Variants in RERE observed in about 807,000 individuals in gnomAD.
RERE encodes arginine-glutamic acid dipeptide repeats protein.
In RERE, 40 loss-of-function variants were observed where a neutral mutation model predicts 146.1. The ratio of observed to expected loss-of-function variants is 0.27; its 90% CI spans 0.21 to 0.36. RERE has a LOEUF of 0.36. RERE is among the 10% of genes least tolerant of loss of function. The pLI is 1.00. For synonymous variants in RERE, 1,003 were observed against 866.0 expected, an observed-to-expected ratio of 1.16 and a Z score of -2.78; for missense variants, 1,933 against 2,138.7, an observed-to-expected ratio of 0.90 and a Z score of 1.90.
chr1:8,607,534 C>CTTTT lies in RERE; in HGVS notation c.522+7023_522+7026dup, dbSNP rs1167501074. ...CGCATATTTGTTTTTATATATATTT[C>CTTTT]TTTTTTTTTTTTTTTTTTTTTTTTT... On this transcript the variant is annotated intron_variant, in intron 4 of 22. Transcript: ENST00000400908. Among the ~76,000 whole-genome samples, 105 of 48,580 alleles carry CTTTT rather than the reference C, an allele frequency of 2.2e-3. 20 individuals are homozygous for CTTTT. Among genetic ancestry groups the CTTTT allele is most frequent in the African/African-American group, 3.7e-3 (43 of 11,658 alleles). The allele number at this position is 48,580 out of a possible 152,430, so 31.9% of individuals were successfully genotyped here.
rs1049657684 is a variant in RERE at position 8,361,029 on chromosome 1, C to T, written c.2478G>A (p.Leu826=). Residue 826 remains leucine (L), a synonymous_variant, in exon 18 of 23, where the codon CTG becomes CTA. Coordinates refer to ENST00000400908, the MANE Select transcript of RERE (RefSeq NM_001042681.2). ...PPPHPSPHPP[L]QPLTGSAGQP... The stretch of plus-strand genomic sequence containing the variant: ...GGCCCGCCGACCCAGTCAGAGGCTG[C>T]AGCGGGGGATGTGGCGAGGGATGCG... The T allele has an allele frequency of 2.1e-6, 3 of 1,434,448 alleles. No homozygotes were observed. The African/African-American group carries it at 4.3e-5, about 21-fold the overall frequency. 88.9% of individuals were successfully genotyped at this position (1,434,448 alleles called of 1,614,324 possible). A position where few individuals can be genotyped will look rare whatever the true frequency, so the allele number is the denominator to read the frequency against.
intron 1 of RERE, among the ~76,000 whole-genome samples, chr1:8,681,176 C>T (rs1034076434): frequency 6.6e-6 from 1 of 152,118 alleles, no homozygotes; most frequent in Non-Finnish European, 1.5e-5. Context: ...AGGAGAGAAA[C>T]GGCCAACAAT....
chr1:8,551,187 C>A lies in RERE; in HGVS notation c.725+5288G>T, dbSNP rs1207685160. ...GTAATCAGAAAGCTGGAAAACAGTCCTCAGTCAGCAAGACACTTACGATCT... is the reference window on the plus strand; with the variant it reads ...GTAATCAGAAAGCTGGAAAACAGTCATCAGTCAGCAAGACACTTACGATCT... On this transcript the variant is annotated intron_variant, in intron 6 of 22. Transcript: ENST00000400908. Among the ~76,000 whole-genome samples the A allele has an allele frequency of 2.6e-5, 4 of 152,278 alleles. No homozygotes were observed. The East Asian group carries it at 7.7e-4, about 29-fold the overall frequency.
chr1:8,472,431 A>G (rs995714031), intron 10 of RERE, among the ~76,000 whole-genome samples: 1 of 152,252 alleles, frequency 6.6e-6, no homozygotes, highest in Non-Finnish European at 1.5e-5. Context: ...TTTAATGTGA[A>G]TAAGATTTTC....
intron 11 of RERE, among the ~76,000 whole-genome samples, chr1:8,435,759 A>G: frequency 6.6e-6 from 1 of 152,254 alleles, no homozygotes; most frequent in Non-Finnish European, 1.5e-5. Flanking sequence ...TGCACCCACT[A>G]GCACAGCCCA....
chr1:8,623,767 T>C (rs1388969771), intron 3 of RERE, among the ~76,000 whole-genome samples: 2 of 152,210 alleles, frequency 1.3e-5, no homozygotes, highest in African/African-American at 4.8e-5. Context: ...TCCTTACTTC[T>C]GCAACACATG....
chr1:8,462,724 T>C (rs1316771780), intron 11 of RERE, among the ~76,000 whole-genome samples: 2 of 152,116 alleles, frequency 1.3e-5, no homozygotes, highest in East Asian at 3.9e-4. Flanking sequence ...TTAGAACAAA[T>C]TAATATGCCA....
At chr1:8,736,728 A>G (rs1640207161) in intron 1 of RERE, among the ~76,000 whole-genome samples, 1 of 152,114 alleles carries the variant, frequency 6.6e-6, no homozygotes, top group African/African-American at 2.4e-5. Flanking sequence ...ACAGTCAAGT[A>G]AAGTAAAACT....
chr1:8,617,237 G>C (rs1028776786), intron 3 of RERE, among the ~76,000 whole-genome samples: 3 of 151,222 alleles, frequency 2.0e-5, no homozygotes, highest in African/African-American at 7.3e-5. Flanking sequence ...CCAGCTACTT[G>C]GGAGGCTGAG....
intron 7 of RERE, among the ~76,000 whole-genome samples, chr1:8,516,539 A>G (rs560221164): frequency 6.6e-6 from 1 of 152,292 alleles, no homozygotes; most frequent in African/African-American, 2.4e-5. Context: ...CTATTGTAGT[A>G]AGTGTACAGG....
intron 1 of RERE, among the ~76,000 whole-genome samples, chr1:8,782,053 A>C (rs538939115): frequency 7.2e-5 from 11 of 152,192 alleles, no homozygotes; most frequent in Admixed American, 5.2e-4. Context: ...CTTTACAGCA[A>C]ATATCCTCAA....
At chr1:8,544,846 C>A (rs1313039480) in intron 6 of RERE, among the ~76,000 whole-genome samples, 1 of 152,144 alleles carries the variant, frequency 6.6e-6, no homozygotes, top group African/African-American at 2.4e-5. Context: ...AGCCCTCAAA[C>A]ACTGAGTATT....
chr1:8,405,304 G>C (rs1643406676), intron 12 of RERE, among the ~76,000 whole-genome samples: 1 of 152,066 alleles, frequency 6.6e-6, no homozygotes, highest in Admixed American at 6.6e-5. Flanking sequence ...ATAAGACAAA[G>C]TCACTCATTA....
intron 12 of RERE, among the ~76,000 whole-genome samples, chr1:8,407,692 T>C (rs1195411084): frequency 2.0e-5 from 3 of 152,204 alleles, no homozygotes; most frequent in Middle Eastern, 3.4e-3. Flanking sequence ...CGTAGACTTA[T>C]GGGGATGACT....
At chr1:8,625,432 C>T (rs1259370037) in intron 2 of RERE, among the ~76,000 whole-genome samples, 1 of 152,162 alleles carries the variant, frequency 6.6e-6, no homozygotes, top group Non-Finnish European at 1.5e-5. Flanking sequence ...AGTAAAGGCA[C>T]AGTCAATGAA....
At chr1:8,463,984 T>C (rs898779631) in intron 11 of RERE, among the ~76,000 whole-genome samples, 2 of 152,228 alleles carry the variant, frequency 1.3e-5, no homozygotes, top group African/African-American at 4.8e-5. Context: ...TTCGCAGAAT[T>C]TTAAAACCTT....
chr1:8,759,902 TAC>T (rs1333593162), intron 1 of RERE, among the ~76,000 whole-genome samples: 4 of 151,116 alleles, frequency 2.6e-5, no homozygotes, highest in Admixed American at 2.0e-4. Flanking sequence ...TCAGAGCTAT[TAC>T]ACTGTATAAA....
At chr1:8,782,671 C>T (rs560662844) in intron 1 of RERE, among the ~76,000 whole-genome samples, 5 of 152,226 alleles carry the variant, frequency 3.3e-5, no homozygotes, top group East Asian at 1.9e-4. Context: ...TTTGGGAGGC[C>T]GAGGTGGGCA....
At chr1:8,655,058 A>T (rs1470650783) in intron 2 of RERE, among the ~76,000 whole-genome samples, 1 of 152,204 alleles carries the variant, frequency 6.6e-6, no homozygotes, top group Non-Finnish European at 1.5e-5. Context: ...GAGCAATGCT[A>T]TAAGCCACAA....
Sources: allele counts gnomAD v4.1 joint callset (sites outside exome capture counted in the v4.1 genomes callset), GRCh38; gene constraint gnomAD v4.1.1; transcripts MANE v1.5; gene names NCBI Gene and HGNC (gene_info 2026-07-23, HGNC 2026-07-21).